SLC16A10: variants seen among roughly 807,000 people sequenced by gnomAD.
The protein encoded by SLC16A10 is monocarboxylate transporter 10.
In SLC16A10, 27 loss-of-function variants were observed where a neutral mutation model predicts 40.0. That is an observed-to-expected ratio of 0.67 (90% CI 0.50 to 0.93). SLC16A10 has a LOEUF of 0.93. SLC16A10 is among the 40% of genes least tolerant of loss of function. SLC16A10 has a pLI of 0.00. For synonymous variants in SLC16A10, 213 were observed against 249.8 expected, an observed-to-expected ratio of 0.85 and a Z score of 1.39; for missense variants, 529 against 658.2, an observed-to-expected ratio of 0.80 and a Z score of 2.15.
chr6:111,168,172 G>A (rs1772513719), intron 1 of SLC16A10, among the ~76,000 whole-genome samples: 1 of 152,064 alleles, frequency 6.6e-6, no homozygotes, highest in African/African-American at 2.4e-5. Context: ...TAGAGATGGG[G>A]TTTCGCCCTG....
At chr6:111,116,254 G>A (rs955317120) in intron 1 of SLC16A10, among the ~76,000 whole-genome samples, 1 of 151,772 alleles carries the variant, frequency 6.6e-6, no homozygotes, top group East Asian at 1.9e-4. Flanking sequence ...GTCTCTCTCT[G>A]TTGCCCAGGC....
intron 4 of SLC16A10, among the ~76,000 whole-genome samples, chr6:111,209,074 G>A (rs530350452): frequency 4.0e-4 from 61 of 152,238 alleles, no homozygotes; most frequent in Non-Finnish European, 6.3e-4. Context: ...AGGCACGGTG[G>A]CACATGCCTA....
At chr6:111,146,860 T>C (rs1295241658) in intron 1 of SLC16A10, among the ~76,000 whole-genome samples, 2 of 152,154 alleles carry the variant, frequency 1.3e-5, no homozygotes, top group South Asian at 2.1e-4. Context: ...AAATGAAATA[T>C]TATCCAGCCA....
chr6:111,156,299 G>A (rs1294734470), intron 1 of SLC16A10, among the ~76,000 whole-genome samples: 1 of 152,144 alleles, frequency 6.6e-6, no homozygotes, highest in South Asian at 2.1e-4. Context: ...TGTAAGTGTG[G>A]GCTGCTTAGT....
intron 1 of SLC16A10, among the ~76,000 whole-genome samples, chr6:111,141,786 T>C (rs1026595133): frequency 3.9e-5 from 6 of 152,210 alleles, no homozygotes; most frequent in Non-Finnish European, 7.3e-5. Context: ...AAAGCTCTGA[T>C]GAAAGAAATA....
intron 1 of SLC16A10, among the ~76,000 whole-genome samples, chr6:111,102,882 A>G (rs544416801): frequency 6.6e-6 from 1 of 152,128 alleles, no homozygotes; most frequent in East Asian, 1.9e-4. Context: ...GGGTATGTTA[A>G]AAATTTTGTT....
intron 1 of SLC16A10, among the ~76,000 whole-genome samples, chr6:111,147,240 AAATC>A (rs1378278861): frequency 2.0e-5 from 3 of 152,352 alleles, no homozygotes; most frequent in East Asian, 1.9e-4. Flanking sequence ...CATGAGAAAA[AAATC>A]AAAGGCAAAA....
At chr6:111,105,897 A>G (rs921607854) in intron 1 of SLC16A10, among the ~76,000 whole-genome samples, 4 of 152,190 alleles carry the variant, frequency 2.6e-5, no homozygotes, top group African/African-American at 9.6e-5. Flanking sequence ...AAGGGAATTG[A>G]TAGTTGTGTA....
chr6:111,128,781 T>A (rs983752771), intron 1 of SLC16A10, among the ~76,000 whole-genome samples: 29 of 152,104 alleles, frequency 1.9e-4, no homozygotes, highest in Non-Finnish European at 4.3e-4. Context: ...ACTATAATAA[T>A]AATTATAAAA....
intron 3 of SLC16A10, among the ~76,000 whole-genome samples, chr6:111,203,063 AGATT>A (rs1773198501): frequency 6.6e-6 from 1 of 152,214 alleles, no homozygotes; most frequent in South Asian, 2.1e-4. Flanking sequence ...TTTAAAAAAT[AGATT>A]AAGTATGAAA....
chr6:111,195,276 G>A (rs757314841), intron 3 of SLC16A10, among the ~76,000 whole-genome samples: 1 of 152,094 alleles, frequency 6.6e-6, no homozygotes, highest in Non-Finnish European at 1.5e-5. Flanking sequence ...AATACTCCAG[G>A]CACAAAAGCA....
At chr6:111,122,163 G>A (rs1274215395) in intron 1 of SLC16A10, among the ~76,000 whole-genome samples, 1 of 152,204 alleles carries the variant, frequency 6.6e-6, no homozygotes, top group African/African-American at 2.4e-5. Context: ...GTGTTGTGGG[G>A]AGTGATGGTG....
At chr6:111,218,672 T>G (rs980277505) in intron 4 of SLC16A10, 142 bp from the exon 5 acceptor site, 22 of 665,576 alleles carry the variant, frequency 3.3e-5, no homozygotes, top group African/African-American at 3.2e-4. Context: ...GAGTTGATTA[T>G]GTATGTAAAA....
At chr6:111,218,682 A>T (rs189821053) in intron 4 of SLC16A10, 132 bp from the exon 5 acceptor site, 2 of 704,328 alleles carry the variant, frequency 2.8e-6, no homozygotes, top group East Asian at 5.0e-5. Context: ...TGTATGTAAA[A>T]TCAAAGTGAA....
At chr6:111,107,707 A>G (rs1249417591) in intron 1 of SLC16A10, among the ~76,000 whole-genome samples, 5 of 152,228 alleles carry the variant, frequency 3.3e-5, no homozygotes, top group Admixed American at 3.3e-4. Flanking sequence ...AACCAAAGCA[A>G]TGGCTACCAA....
chr6:111,125,519 A>G (rs907939234), intron 1 of SLC16A10, among the ~76,000 whole-genome samples: 2 of 152,138 alleles, frequency 1.3e-5, no homozygotes, highest in Non-Finnish European at 2.9e-5. Flanking sequence ...TGTTCTATCC[A>G]CATCTCATCA....
chr6:111,160,630 G>C (rs866066810), intron 1 of SLC16A10, among the ~76,000 whole-genome samples: 2 of 152,224 alleles, frequency 1.3e-5, no homozygotes, highest in Non-Finnish European at 2.9e-5. Context: ...AGCGGTTCCC[G>C]AGCTCTTGTC....
chr6:111,098,639 G>A (rs1771120061), intron 1 of SLC16A10, among the ~76,000 whole-genome samples: 2 of 151,822 alleles, frequency 1.3e-5, no homozygotes, highest in Non-Finnish European at 2.9e-5. Flanking sequence ...AGTCAAGTAG[G>A]TTAGTCTGGA....
intron 3 of SLC16A10, among the ~76,000 whole-genome samples, chr6:111,184,070 G>T (rs1413081047): frequency 1.3e-5 from 2 of 152,086 alleles, no homozygotes; most frequent in African/African-American, 4.8e-5. Context: ...TTTCTCATCG[G>T]CATGAAATGC....
Sources: allele counts gnomAD v4.1 joint callset (sites outside exome capture counted in the v4.1 genomes callset), GRCh38; gene constraint gnomAD v4.1.1; transcripts MANE v1.5; gene names NCBI Gene and HGNC (gene_info 2026-07-23, HGNC 2026-07-21).